The following ADGRL3 variants were observed in gnomAD, a reference collection of about 807,000 sequenced individuals.
ADGRL3 encodes adhesion G protein-coupled receptor L3.
ADGRL3 carries 62 observed loss-of-function variants against 153.5 expected under a neutral mutation model. The ratio of observed to expected loss-of-function variants is 0.40; its 90% CI spans 0.33 to 0.50. The LOEUF (loss-of-function observed/expected upper bound fraction) is 0.50, where lower values mean the gene tolerates loss of function less well. ADGRL3 is among the 20% of genes least tolerant of loss of function. The probability of loss-of-function intolerance (pLI) is 0.47; values close to 1 mark genes in which losing one functional copy is unlikely to be tolerated. For synonymous variants in ADGRL3, 710 were observed against 672.5 expected (o/e 1.06, Z -0.86); for missense variants, 1,641 against 1,859.4 (o/e 0.88, Z 2.16).
chr4:61,213,123 T>C (rs1043459371), intron 1 of ADGRL3, among the ~76,000 whole-genome samples: 3 of 152,110 alleles, frequency 2.0e-5, no homozygotes, highest in Non-Finnish European at 4.4e-5. Flanking sequence ...ACAACAGAAG[T>C]AATGGGGTAT....
chr4:61,653,444 C>CAACTAT (rs1374815589), intron 5 of ADGRL3, among the ~76,000 whole-genome samples: 1 of 152,148 alleles, frequency 6.6e-6, no homozygotes. Context: ...GAAGGAGCCA[C>CAACTAT]AACTATTCAG....
chr4:61,376,320 C>T (rs1441085850), intron 1 of ADGRL3, among the ~76,000 whole-genome samples: 1 of 94,524 alleles, frequency 1.1e-5, no homozygotes, highest in African/African-American at 3.3e-5. Context: ...ATGCAAATAC[C>T]ACTTGTCATG....
chr4:61,767,039 G>A, intron 8 of ADGRL3, among the ~76,000 whole-genome samples: 1 of 151,974 alleles, frequency 6.6e-6, no homozygotes, highest in African/African-American at 2.4e-5. Context: ...CTGTGGGATG[G>A]GATATTGGCG....
chr4:61,904,481 A>G (rs774614547), intron 11 of ADGRL3, among the ~76,000 whole-genome samples: 60 of 152,068 alleles, frequency 3.9e-4, no homozygotes, highest in Non-Finnish European at 7.4e-4. Context: ...GAATAATTAC[A>G]TTTTGACTTA....
intron 1 of ADGRL3, among the ~76,000 whole-genome samples, chr4:61,267,193 A>T (rs2092900922): frequency 6.6e-6 from 1 of 151,806 alleles, no homozygotes; most frequent in African/African-American, 2.4e-5. Flanking sequence ...TTCTAAAAAC[A>T]AAATAAATGT....
At chr4:61,838,779 CTT>C (rs1207582150) in intron 9 of ADGRL3, among the ~76,000 whole-genome samples, 17 of 152,148 alleles carry the variant, frequency 1.1e-4, no homozygotes, top group African/African-American at 3.9e-4. Context: ...TATTCAATTT[CTT>C]TTCTTTGTTA....
At chr4:61,409,881 T>G (rs1012722419) in intron 2 of ADGRL3, among the ~76,000 whole-genome samples, 1 of 152,140 alleles carries the variant, frequency 6.6e-6, no homozygotes, top group African/African-American at 2.4e-5. Context: ...TTTATAGTAT[T>G]AAAACAGGTC....
chr4:61,371,023 A>G (rs371753117), intron 1 of ADGRL3, among the ~76,000 whole-genome samples: 12 of 150,850 alleles, frequency 8.0e-5, no homozygotes, highest in African/African-American at 2.2e-4. Flanking sequence ...TTGGTTTAAA[A>G]TCTGTTTTAT....
chr4:61,930,334 C>T (rs2098812791), intron 13 of ADGRL3, among the ~76,000 whole-genome samples: 1 of 152,158 alleles, frequency 6.6e-6, no homozygotes, highest in Admixed American at 6.5e-5. Context: ...TTGATATTTA[C>T]TGCTTACCTG....
chr4:61,844,564 A>AG (rs1561344260), intron 9 of ADGRL3, among the ~76,000 whole-genome samples: 6 of 76,100 alleles, frequency 7.9e-5, no homozygotes, highest in Admixed American at 2.0e-4. Context: ...AAAAAAAAAA[A>AG]AAAAAAAAAA....
At chr4:61,698,089 C>T (rs1561081890) in intron 6 of ADGRL3, among the ~76,000 whole-genome samples, 1 of 152,042 alleles carries the variant, frequency 6.6e-6, no homozygotes, top group Non-Finnish European at 1.5e-5. Flanking sequence ...GGCACCAATA[C>T]CAAAACATAC....
chr4:61,539,259 G>A (rs1000320812), intron 4 of ADGRL3, among the ~76,000 whole-genome samples: 3 of 152,194 alleles, frequency 2.0e-5, no homozygotes, highest in Admixed American at 1.3e-4. Context: ...GGCTGTCTCC[G>A]GGGCACTGAT....
At chr4:61,392,678 C>A in intron 2 of ADGRL3, among the ~76,000 whole-genome samples, 1 of 7,448 alleles carries the variant, frequency 1.3e-4, no homozygotes, top group African/African-American at 1.5e-4. Flanking sequence ...GAGCGAGACT[C>A]CATCTCAAAA....
intron 5 of ADGRL3, among the ~76,000 whole-genome samples, chr4:61,672,866 C>A (rs1029284340): frequency 6.6e-6 from 1 of 151,962 alleles, no homozygotes; most frequent in Non-Finnish European, 1.5e-5. Flanking sequence ...AAAGAGATAT[C>A]TGTAGTCTCA....
intron 5 of ADGRL3, among the ~76,000 whole-genome samples, chr4:61,671,412 C>T (rs1483278668): frequency 6.6e-6 from 1 of 152,064 alleles, no homozygotes; most frequent in Admixed American, 6.6e-5. Context: ...AACAATATTG[C>T]TTTAAAATTA....
chr4:61,258,220 A>T (rs2092181659), intron 1 of ADGRL3, among the ~76,000 whole-genome samples: 1 of 152,164 alleles, frequency 6.6e-6, no homozygotes, highest in Non-Finnish European at 1.5e-5. Flanking sequence ...AACAGCAAAG[A>T]ATCCCCAAAT....
At chr4:61,756,185 G>A (rs548811174) in intron 8 of ADGRL3, among the ~76,000 whole-genome samples, 146 of 152,138 alleles carry the variant, frequency 9.6e-4, no homozygotes, top group African/African-American at 3.0e-3. Context: ...TGGGGATGGC[G>A]TTGAATCTAT....
chr4:61,847,606 A>T (rs577223750), intron 9 of ADGRL3, among the ~76,000 whole-genome samples: 3,736 of 65,874 alleles, frequency 0.057, 290 homozygotes, highest in Non-Finnish European at 0.074. Flanking sequence ...ATAATATATA[A>T]TATATTATAT....
At chr4:61,706,387 A>G (rs900097456) in intron 6 of ADGRL3, among the ~76,000 whole-genome samples, 1 of 147,924 alleles carries the variant, frequency 6.8e-6, no homozygotes, top group Middle Eastern at 3.4e-3. Flanking sequence ...GCGCCACTGC[A>G]CTCTGGGCTG....
Sources: allele counts gnomAD v4.1 joint callset (sites outside exome capture counted in the v4.1 genomes callset), GRCh38; gene constraint gnomAD v4.1.1; transcripts MANE v1.5; gene names NCBI Gene and HGNC (gene_info 2026-07-23, HGNC 2026-07-21).